The following ZZEF1 variants were observed in gnomAD, a reference collection of about 807,000 sequenced individuals.
The protein encoded by ZZEF1 is zinc finger ZZ-type and EF-hand domain-containing protein 1.
ZZEF1 carries 157 observed loss-of-function variants against 342.8 expected under a neutral mutation model. The ratio of observed to expected loss-of-function variants is 0.46; its 90% CI spans 0.40 to 0.52. The LOEUF is 0.52. Ranked by LOEUF, ZZEF1 falls within the 20% of genes least tolerant of loss-of-function variation. The pLI, the probability that ZZEF1 is intolerant of heterozygous loss-of-function variation, is 0.00. For synonymous variants in ZZEF1, 1,505 were observed against 1,429.1 expected, an observed-to-expected ratio of 1.05 and a Z score of -1.20; for missense variants, 3,480 against 3,725.6, an observed-to-expected ratio of 0.93 and a Z score of 1.72.
At chr17:4,010,019 CA>C (rs767121935) in intron 52 of ZZEF1, among the ~76,000 whole-genome samples, 253 of 152,238 alleles carry the variant, frequency 1.7e-3, no homozygotes, top group Non-Finnish European at 2.5e-3. Context: ...GATTACTGTG[CA>C]TCTTGAAAAA....
chr17:4,050,744 G>C, intron 36 of ZZEF1, 37 bp downstream of exon 36: 1 of 1,610,724 alleles, frequency 6.2e-7, no homozygotes, highest in Non-Finnish European at 8.5e-7. Flanking sequence ...ACCAGCAACT[G>C]AGGGCTGGTT....
chr17:4,022,891 G>T, intron 43 of ZZEF1, 63 bp from the exon 44 acceptor site: 1 of 1,584,412 alleles, frequency 6.3e-7, no homozygotes, highest in South Asian at 1.1e-5. Context: ...AACCTTAGCT[G>T]TAACTCAGTC....
rs1597738625 is a variant in ZZEF1 at position 4,004,813 on chromosome 17, G to T, written c.*2077C>A. 1 of 152,268 alleles carries T rather than the reference G, an allele frequency of 6.6e-6. No homozygotes were observed. Among genetic ancestry groups the T allele is most frequent in the African/African-American group, 2.4e-5 (1 of 41,466 alleles). The allele number at this position is 152,268 out of a possible 1,614,324, so 9.4% of individuals were successfully genotyped here. On this transcript the variant is annotated 3_prime_UTR_variant, in exon 55 of 55. Transcript: ENST00000381638. ...GCTCGGCAGCGCCACCCGGTGGCCG[G>T]AGACAGAGGCGGCCGGGCCGAGCCG... is the stretch of plus-strand genomic sequence containing the variant.
At chr17:4,025,806 T>C (rs2056390605) in intron 42 of ZZEF1, among the ~76,000 whole-genome samples, 1 of 152,154 alleles carries the variant, frequency 6.6e-6, no homozygotes, top group Non-Finnish European at 1.5e-5. Context: ...AACAATAGCT[T>C]GCAGATATTG....
At position 4,021,303 on chromosome 17, in the gene ZZEF1, C is replaced by T. The variant is rs764259015; in HGVS notation, c.7230G>A (p.Leu2410=). The T allele has an allele frequency of 3.1e-6, 5 of 1,607,950 alleles. No homozygotes were observed. Among genetic ancestry groups the T allele is most frequent in the Middle Eastern group, 1.7e-4 (1 of 6,040 alleles). Reference sequence around the variant, plus strand: ...CGTTGATCTCCTTTTTTGAGGAGTACAGCATGATGGACAAAATCTACACAG... The same window carrying T: ...CGTTGATCTCCTTTTTTGAGGAGTATAGCATGATGGACAAAATCTACACAG... ...LRDLEILSIM[L]YSSKKEINAL... The change falls in exon 45 of 55, where the codon CTG becomes CTA. Residue 2410 remains leucine, a synonymous_variant. Transcript: ENST00000381638.
In ZZEF1 at chr17:4,137,019, C is replaced by T. The variant is rs1388060102; in HGVS notation, c.354+5523G>A. On this transcript the variant is annotated intron_variant, in intron 1 of 54. Coordinates refer to ENST00000381638, the MANE Select transcript of ZZEF1 (RefSeq NM_015113.4). ...AGGAGAGCAAAGGACAAAATTCCCA[C>T]ATACATGGGAAACGGGACCATAAAG... 3.4e-5 allele frequency among the ~76,000 whole-genome samples: 5 copies of T among 147,108 alleles called. No homozygotes were observed. In the Admixed American group the frequency reaches 3.5e-4, roughly 10 times the overall value.
At chr17:4,105,269 C>T (rs188101106) in intron 7 of ZZEF1, among the ~76,000 whole-genome samples, 51 of 152,298 alleles carry the variant, frequency 3.3e-4, no homozygotes, top group Non-Finnish European at 6.2e-4. Context: ...CCTCAGGGCT[C>T]ACTGAGGCAG....
Position 4,056,264 on chromosome 17 carries a change from C to G in ZZEF1, c.5247G>C (p.Glu1749Asp), listed in dbSNP as rs1206467707. The G allele has an allele frequency of 1.3e-6, 2 of 1,594,946 alleles. No individual in the cohort carries two copies. Among genetic ancestry groups the G allele is most frequent in the African/African-American group, 1.3e-5 (1 of 74,548 alleles). Residue 1749 changes from glutamate (E) to aspartate (D), a missense_variant, in exon 33 of 55, where the codon GAG becomes GAC. Physicochemically the swap from Glu to Asp is conservative, Grantham distance 45. This residue lies in a region of ZZEF1 where 175 missense variants were observed against 254.6 expected (regional missense o/e 0.69). Coordinates refer to ENST00000381638, the MANE Select transcript of ZZEF1 (RefSeq NM_015113.4). Reference protein sequence around the residue: ...WMDECQDGMFEAWYEKIAQED... With the variant: ...WMDECQDGMFDAWYEKIAQED... Reference sequence around the variant, plus strand: ...CCTGGGCTATTTTTTCATACCAGGCCTCAAACATGCCATCCTGACACTCAT... The same window carrying G: ...CCTGGGCTATTTTTTCATACCAGGCGTCAAACATGCCATCCTGACACTCAT...
chr17:4,089,024 A>G, intron 12 of ZZEF1, 131 bp from the exon 13 acceptor site: 2 of 715,296 alleles, frequency 2.8e-6, no homozygotes, highest in Non-Finnish European at 4.6e-6. Context: ...TATGCTCAGC[A>G]CTAGGGACAC....
Position 4,142,711 on chromosome 17 carries a change from G to T in ZZEF1, c.185C>A (p.Ala62Glu). The change falls in exon 1 of 55, where the codon GCG becomes GAG. Residue 62 changes from alanine to glutamate, a missense_variant. Transcript: ENST00000381638. ...CTCGCAGGGGGGTGTGGGCAGCAAC[G>T]CTGCAGCAGCCTCTCGCAGCCTGGC... is the stretch of plus-strand genomic sequence containing the variant. ...EPARLREAAA[A>E]LLPTPPCESL... 1 of 1,585,782 alleles carries T rather than the reference G, an allele frequency of 6.3e-7. No homozygotes were observed. The highest frequency in any genetic ancestry group is 1.4e-5 in the African/African-American group (1 of 73,304).
At chr17:4,131,885 A>G (rs1188297592) in intron 1 of ZZEF1, among the ~76,000 whole-genome samples, 1 of 152,212 alleles carries the variant, frequency 6.6e-6, no homozygotes, top group Non-Finnish European at 1.5e-5. Context: ...CAAAATGGAC[A>G]GAATTGTAGC....
At position 4,059,235 on chromosome 17, in the gene ZZEF1, T is replaced by A. The variant is rs1285309249; in HGVS notation, c.4939A>T (p.Thr1647Ser). Reference sequence around the variant, plus strand: ...AAAAACAGAACAAGTTGATAGTAAGTGTCTCGAATTTCTTTGTGTAGATCA... The same window carrying A: ...AAAAACAGAACAAGTTGATAGTAAGAGTCTCGAATTTCTTTGTGTAGATCA... Reference protein sequence around the residue: ...GADLHKEIRDTYYQLVLFLVK... With the variant: ...GADLHKEIRDSYYQLVLFLVK... Residue 1647 changes from threonine (T) to serine (S), a missense_variant, in exon 31 of 55, where the codon ACT (threonine) becomes TCT (serine). Thr to Ser is a moderately conservative substitution (Grantham distance 58). Around this residue, in one of 5 missense-constraint regions of ZZEF1, gnomAD observed 1,528 missense variants for 1,624.1 expected, o/e 0.94. Transcript: ENST00000381638. The A allele has an allele frequency of 6.2e-7, 1 of 1,608,264 alleles. No individual in the cohort carries two copies. The highest frequency in any genetic ancestry group is 8.5e-7 in the Non-Finnish European group (1 of 1,179,144).
chr17:4,083,698 C>T (rs1338352970), intron 16 of ZZEF1, among the ~76,000 whole-genome samples: 2 of 146,130 alleles, frequency 1.4e-5, no homozygotes, highest in East Asian at 2.0e-4. Context: ...AGTGCAGTGG[C>T]GTGATCTCCG....
chr17:4,096,050 G>C, intron 10 of ZZEF1, 71 bp from the exon 11 acceptor site: 1 of 1,488,756 alleles, frequency 6.7e-7, no homozygotes, highest in Admixed American at 2.2e-5. Context: ...TTCCAGCATG[G>C]TTAAATTCAA....
chr17:4,049,995 A>G (rs973712996), intron 36 of ZZEF1, 136 bp from the exon 37 acceptor site: 12 of 934,222 alleles, frequency 1.3e-5, no homozygotes, highest in Admixed American at 8.4e-5. Context: ...AGAGGACTCA[A>G]CGTGAACATC....
At chr17:4,123,771 T>C (rs1443501953) in intron 2 of ZZEF1, 136 bp downstream of exon 2, 2 of 977,138 alleles carry the variant, frequency 2.0e-6, no homozygotes, top group Non-Finnish European at 2.9e-6. Context: ...CTAAAGGAAA[T>C]GCTAATTCAG....
chr17:4,118,606 A>G (rs796726152), intron 2 of ZZEF1, among the ~76,000 whole-genome samples: 9 of 152,278 alleles, frequency 5.9e-5, no homozygotes, highest in African/African-American at 2.2e-4. Context: ...CAAAACTGGC[A>G]GCCTTTCGGG....
At chr17:4,119,410 A>C (rs866730299) in intron 2 of ZZEF1, among the ~76,000 whole-genome samples, 41 of 152,248 alleles carry the variant, frequency 2.7e-4, no homozygotes, top group Admixed American at 7.8e-4. Context: ...TTTTCTAGGT[A>C]GAGCCAGCTC....
chr17:4,067,321 A>C, intron 26 of ZZEF1, 79 bp from the exon 27 acceptor site: 1 of 1,177,812 alleles, frequency 8.5e-7, no homozygotes, highest in Non-Finnish European at 1.2e-6. Context: ...AAAAATCTAA[A>C]TCTGCTGAAG....
Sources: allele counts gnomAD v4.1 joint callset (sites outside exome capture counted in the v4.1 genomes callset), GRCh38; gene constraint gnomAD v4.1.1; regional missense constraint gnomAD v4.1.1; transcripts MANE v1.5; gene names NCBI Gene and HGNC (gene_info 2026-07-23, HGNC 2026-07-21).